IGSF21: variants seen among roughly 807,000 people sequenced by gnomAD.
The protein encoded by IGSF21 is immunoglobulin superfamily member 21.
A neutral mutation model predicts 46.8 loss-of-function variants in IGSF21; 28 were observed. The ratio of observed to expected loss-of-function variants is 0.60; its 90% CI spans 0.44 to 0.82. The LOEUF (loss-of-function observed/expected upper bound fraction) is 0.82. IGSF21 is among the 40% of genes least tolerant of loss of function. The pLI is 0.00. For missense variants in IGSF21, 624 were observed against 665.5 expected, an observed-to-expected ratio of 0.94 and a Z score of 0.69; for synonymous variants, 284 against 273.6, an observed-to-expected ratio of 1.04 and a Z score of -0.38.
At chr1:18,287,210 TAA>T (rs1420482162) in intron 2 of IGSF21, among the ~76,000 whole-genome samples, 26 of 139,354 alleles carry the variant, frequency 1.9e-4, no homozygotes, top group African/African-American at 3.2e-4. Context: ...AATAAATAAA[TAA>T]AAATAAATAA....
At chr1:18,270,119 G>C (rs1338798175) in intron 2 of IGSF21, among the ~76,000 whole-genome samples, 2 of 152,148 alleles carry the variant, frequency 1.3e-5, no homozygotes, top group East Asian at 3.9e-4. Flanking sequence ...TACACTAGCT[G>C]TTTTGCTCCC....
At chr1:18,148,232 G>A (rs755618611) in intron 1 of IGSF21, among the ~76,000 whole-genome samples, 2 of 144,042 alleles carry the variant, frequency 1.4e-5, no homozygotes, top group African/African-American at 2.6e-5. Flanking sequence ...CTGGGTTCAC[G>A]CCGTTGTCCT....
chr1:18,218,390 G>T (rs2084474853), intron 1 of IGSF21, among the ~76,000 whole-genome samples: 1 of 152,134 alleles, frequency 6.6e-6, no homozygotes, highest in Non-Finnish European at 1.5e-5. Context: ...ATGAGATTTG[G>T]GTGGAGACCA....
At position 18,352,958 on chromosome 1, in the gene IGSF21, C is replaced by T. The variant is rs1056137145; in HGVS notation, c.425-9157C>T. On this transcript the variant is annotated intron_variant, in intron 4 of 9. Transcript: ENST00000251296. Reference sequence around the variant, plus strand: ...TTCCGGCAATGACCTGGACCCCGGGCCCCCCACCCCTCGCCACTGCACCAA... The same window carrying T: ...TTCCGGCAATGACCTGGACCCCGGGTCCCCCACCCCTCGCCACTGCACCAA... Among the ~76,000 whole-genome samples the T allele has an allele frequency of 1.1e-4, 17 of 152,114 alleles. No homozygotes were observed. In the South Asian group the frequency reaches 3.5e-3, roughly 32 times the overall value.
intron 6 of IGSF21, among the ~76,000 whole-genome samples, chr1:18,374,463 C>T (rs1252355038): frequency 6.6e-6 from 1 of 152,092 alleles, no homozygotes; most frequent in Non-Finnish European, 1.5e-5. Flanking sequence ...GAAGGGGAGC[C>T]ACTCATCCAA....
intron 1 of IGSF21, among the ~76,000 whole-genome samples, chr1:18,203,839 C>T (rs2087100993): frequency 2.6e-5 from 4 of 152,160 alleles, no homozygotes; most frequent in Admixed American, 2.6e-4. Flanking sequence ...CTTTGTAGTC[C>T]ACAGGGCAAA....
At chr1:18,256,220 C>G (rs529149699) in intron 2 of IGSF21, among the ~76,000 whole-genome samples, 12 of 152,292 alleles carry the variant, frequency 7.9e-5, no homozygotes, top group South Asian at 2.1e-4. Context: ...ATTCCTACCC[C>G]CCTTTAGGCT....
intron 4 of IGSF21, among the ~76,000 whole-genome samples, chr1:18,357,778 G>A (rs913375935): frequency 1.3e-5 from 2 of 152,118 alleles, no homozygotes; most frequent in South Asian, 2.1e-4. Context: ...TCCACCAGGA[G>A]ACAGGAGGTG....
intron 1 of IGSF21, among the ~76,000 whole-genome samples, chr1:18,209,588 G>A (rs2084368492): frequency 6.6e-6 from 1 of 151,066 alleles, no homozygotes; most frequent in African/African-American, 2.4e-5. Context: ...CCTAGTAGCT[G>A]GGAATACAGG....
At chr1:18,192,897 A>C (rs1252345220) in intron 1 of IGSF21, among the ~76,000 whole-genome samples, 2 of 152,136 alleles carry the variant, frequency 1.3e-5, no homozygotes, top group Non-Finnish European at 2.9e-5. Flanking sequence ...TTTATTCGAC[A>C]CATATTAATT....
rs1475268130 is a variant in IGSF21 at position 18,273,521 on chromosome 1, G to A, written c.184-18345G>A. On this transcript the variant is annotated intron_variant, in intron 2 of 9. Transcript: ENST00000251296. ...CTTTCTTTCTTTCTTTCTTTCTTTC[G>A]TCTTTCTTTACTTTTTTTTTTTAAC... Among the ~76,000 whole-genome samples, 7 of 29,608 alleles carry A rather than the reference G, an allele frequency of 2.4e-4. No homozygotes were observed. In the East Asian group the frequency reaches 4.2e-3, roughly 18 times the overall value. The allele number at this position is 29,608 out of a possible 152,430, so 19.4% of individuals were successfully genotyped here. A position where few individuals can be genotyped will look rare whatever the true frequency, so the allele number is the denominator to read the frequency against.
At chr1:18,195,544 C>A (rs2086998516) in intron 1 of IGSF21, among the ~76,000 whole-genome samples, 1 of 152,130 alleles carries the variant, frequency 6.6e-6, no homozygotes, top group Admixed American at 6.6e-5. Context: ...TTCCCCGGCT[C>A]TGTGTGAATG....
At chr1:18,311,084 G>C (rs1002601228) in intron 3 of IGSF21, among the ~76,000 whole-genome samples, 1 of 152,142 alleles carries the variant, frequency 6.6e-6, no homozygotes, top group African/African-American at 2.4e-5. Flanking sequence ...CAGATCTTTT[G>C]GGAGTGGGGA....
intron 4 of IGSF21, among the ~76,000 whole-genome samples, chr1:18,336,044 T>C (rs1482152800): frequency 6.6e-6 from 1 of 152,190 alleles, no homozygotes; most frequent in African/African-American, 2.4e-5. Context: ...AGAACTCAGT[T>C]TGCACCATCA....
At chr1:18,258,064 A>C (rs529794630) in intron 2 of IGSF21, among the ~76,000 whole-genome samples, 1 of 152,326 alleles carries the variant, frequency 6.6e-6, no homozygotes, top group South Asian at 2.1e-4. Flanking sequence ...AATGTGCAGG[A>C]GGTAGCAGCC....
intron 1 of IGSF21, among the ~76,000 whole-genome samples, chr1:18,212,440 T>C (rs2124492033): frequency 6.6e-6 from 1 of 152,302 alleles, no homozygotes; most frequent in Middle Eastern, 3.4e-3. Flanking sequence ...TCAGAACACC[T>C]TCCCTGCTGT....
chr1:18,295,579 G>A (rs922409991), intron 3 of IGSF21, among the ~76,000 whole-genome samples: 3 of 152,198 alleles, frequency 2.0e-5, no homozygotes, highest in East Asian at 1.9e-4. Context: ...CAGGGCCATC[G>A]AGGAAGGTGG....
intron 6 of IGSF21, among the ~76,000 whole-genome samples, chr1:18,371,094 A>C (rs1286739469): frequency 6.6e-6 from 1 of 152,378 alleles, no homozygotes; most frequent in South Asian, 2.1e-4. Flanking sequence ...AGAAATGAAA[A>C]CATATGTCCA....
At chr1:18,164,904 G>T (rs562601092) in intron 1 of IGSF21, among the ~76,000 whole-genome samples, 68 of 110,074 alleles carry the variant, frequency 6.2e-4, no homozygotes, top group African/African-American at 2.5e-3. Flanking sequence ...CCCACAACAG[G>T]CCCTAGTGTG....
Sources: gnomAD v4.1 joint callset for allele counts (sites outside exome capture counted in the v4.1 genomes callset) on GRCh38, gnomAD v4.1.1 for gene constraint, MANE v1.5 for transcripts, NCBI Gene and HGNC (gene_info 2026-07-23, HGNC 2026-07-21) for gene names.